The following NUP153 variants were observed in gnomAD, a reference collection of about 807,000 sequenced individuals.
NUP153 encodes the protein nucleoporin 153.
NUP153 carries 27 observed loss-of-function variants against 134.6 expected under a neutral mutation model. That is an observed-to-expected ratio of 0.20 (90% CI 0.15 to 0.28). The LOEUF is 0.28. Ranked by LOEUF, NUP153 falls within the 10% of genes least tolerant of loss-of-function variation. The pLI, the probability that NUP153 is intolerant of heterozygous loss-of-function variation, is 1.00. For missense variants in NUP153, 1,821 were observed against 1,731.3 expected (o/e 1.05, Z -0.92); for synonymous variants, 640 against 623.5 (o/e 1.03, Z -0.40).
At chr6:17,687,105 T>C (rs1209584087) in intron 2 of NUP153, among the ~76,000 whole-genome samples, 1 of 152,170 alleles carries the variant, frequency 6.6e-6, no homozygotes, top group Non-Finnish European at 1.5e-5. Flanking sequence ...GCTATTTTCA[T>C]GAAAATACAA....
intron 1 of NUP153, among the ~76,000 whole-genome samples, chr6:17,702,150 GA>G (rs1770153318): frequency 6.6e-6 from 1 of 152,124 alleles, no homozygotes; most frequent in Admixed American, 6.5e-5. Flanking sequence ...AAAGGAAATG[GA>G]AAAGGAAGAC....
At chr6:17,702,198 T>A (rs1307396923) in intron 1 of NUP153, among the ~76,000 whole-genome samples, 1 of 152,078 alleles carries the variant, frequency 6.6e-6, no homozygotes, top group Non-Finnish European at 1.5e-5. Context: ...ACCTATTCAC[T>A]CTCAACTAGA....
chr6:17,671,270 T>C (rs1001618245), intron 5 of NUP153, among the ~76,000 whole-genome samples: 1 of 152,196 alleles, frequency 6.6e-6, no homozygotes, highest in Non-Finnish European at 1.5e-5. Context: ...TGCTGTCTTC[T>C]AATGTCTTTG....
chr6:17,694,300 G>A (rs1245278154), intron 1 of NUP153, among the ~76,000 whole-genome samples: 2 of 152,146 alleles, frequency 1.3e-5, no homozygotes, highest in Non-Finnish European at 2.9e-5. Context: ...ATATTCACCA[G>A]GATAAAGACC....
At chr6:17,691,353 A>C (rs1361512022) in intron 1 of NUP153, among the ~76,000 whole-genome samples, 1 of 152,240 alleles carries the variant, frequency 6.6e-6, no homozygotes, top group Admixed American at 6.5e-5. Context: ...CTATGGAAAG[A>C]AAGCCTATAT....
Position 17,615,823 on chromosome 6 carries a change from A to G in NUP153, c.*274T>C, listed in dbSNP as rs1157872049. ...CACCGTGCAGGCTCCATTCCTGGGT[A>G]CAGCCAGACTATGTCAAATCAGTGA... is the stretch of plus-strand genomic sequence containing the variant. On this transcript the variant is annotated 3_prime_UTR_variant, in exon 22 of 22. Transcript: ENST00000262077. The surrounding 1 kb of genome is among the most constrained non-coding windows in gnomAD (Gnocchi z 5.7). 1 of 365,638 alleles carries G rather than the reference A, an allele frequency of 2.7e-6. No homozygotes were observed. The highest frequency in any genetic ancestry group is 2.1e-5 in the African/African-American group (1 of 47,984). The allele number at this position is 365,638 out of a possible 1,614,324, so 22.6% of individuals were successfully genotyped here.
intron 5 of NUP153, among the ~76,000 whole-genome samples, chr6:17,671,986 C>A (rs1315640858): frequency 6.6e-6 from 1 of 151,934 alleles, no homozygotes; most frequent in African/African-American, 2.4e-5. Context: ...TCAGCTTGGG[C>A]AACAGAGCAA....
In NUP153 at chr6:17,690,209, A is replaced by G. The variant is rs969149294; in HGVS notation, c.112-1591T>C. 3.3e-5 allele frequency among the ~76,000 whole-genome samples: 5 copies of G among 150,270 alleles called. No individual in the cohort carries two copies. In the East Asian group the frequency reaches 9.7e-4, roughly 29 times the overall value. On this transcript the variant is annotated intron_variant, in intron 1 of 21. Coordinates refer to ENST00000262077, the MANE Select transcript of NUP153 (RefSeq NM_005124.4). ...CTACTAAAAATACAAAAAATTAGCC[A>G]GGCGTGGTGGCGGGCGCATGTAGTC...
chr6:17,663,254 C>T (rs1421776400), intron 9 of NUP153, among the ~76,000 whole-genome samples: 11 of 138,178 alleles, frequency 8.0e-5, no homozygotes, highest in Admixed American at 4.5e-4. Context: ...CACACACACA[C>T]ACACACATAT....
chr6:17,669,335 A>G lies in NUP153; in HGVS notation c.972T>C (p.Asp324=). Residue 324 remains aspartate (D), a splice_region_variant and synonymous_variant, in exon 7 of 22, where the codon GAT becomes GAC. Transcript: ENST00000262077. The stretch of plus-strand genomic sequence containing the variant: ...AAACAATGGATGGAATTCTTTTTGC[A>G]TCCTGTTAAAGTTGAAAAAATAACA... ...SLEKMSSPLA[D]AKRIPSIVSS... 1 of 1,610,038 alleles carries G rather than the reference A, an allele frequency of 6.2e-7. No individual in the cohort carries two copies. The highest frequency in any genetic ancestry group is 8.5e-7 in the Non-Finnish European group (1 of 1,176,524).
intron 20 of NUP153, among the ~76,000 whole-genome samples, chr6:17,617,528 C>T (rs1581650946): frequency 6.7e-6 from 1 of 150,118 alleles, no homozygotes; most frequent in Admixed American, 6.6e-5. Context: ...CAGAATCAAT[C>T]CCTCCCAACA....
At chr6:17,685,562 A>C (rs1200112632) in intron 2 of NUP153, among the ~76,000 whole-genome samples, 3 of 151,636 alleles carry the variant, frequency 2.0e-5, no homozygotes, top group African/African-American at 7.3e-5. Context: ...AAAAAAAAAA[A>C]AAACTGTTAT....
rs777246335 is a variant in NUP153 at position 17,674,991 on chromosome 6, C to T, written c.766G>A (p.Asp256Asn). The change falls in exon 5 of 22, where the codon GAT becomes AAT. Residue 256 changes from aspartate to asparagine, a missense_variant. Physicochemically the swap from Asp to Asn is conservative, Grantham distance 23. Coordinates refer to ENST00000262077, the MANE Select transcript of NUP153 (RefSeq NM_005124.4). ...SSILKTSQLG[D>N]SPFYPGKTTY... ...GTTTTTCCAGGATAAAAAGGAGAATCTCCAAGCTGACTGGTTTTAAGGATT... is the reference window on the plus strand; with the variant it reads ...GTTTTTCCAGGATAAAAAGGAGAATTTCCAAGCTGACTGGTTTTAAGGATT... 9 of 1,613,474 alleles carry T rather than the reference C, an allele frequency of 5.6e-6. No individual in the cohort carries two copies. Among genetic ancestry groups the T allele is most frequent in the Admixed American group, 3.3e-5 (2 of 59,950 alleles).
In NUP153 at chr6:17,677,274, G is replaced by T. The variant is rs999977946; in HGVS notation, c.335-1504C>A. Among the ~76,000 whole-genome samples the T allele has an allele frequency of 6.6e-5, 10 of 152,218 alleles. No individual in the cohort carries two copies. In the South Asian group the frequency reaches 2.1e-3, roughly 32 times the overall value. ...CAGAAGTTCAAAATTATCATTAACT[G>T]AACTGCCTGCTAAAAACAAGAACCA... is the stretch of plus-strand genomic sequence containing the variant. On this transcript the variant is annotated intron_variant, in intron 2 of 21. Transcript: ENST00000262077.
At chr6:17,635,357 C>A (rs1765497029) in intron 16 of NUP153, among the ~76,000 whole-genome samples, 2 of 152,170 alleles carry the variant, frequency 1.3e-5, no homozygotes, top group South Asian at 4.2e-4. Context: ...GATCCACTCG[C>A]CTCGGCCTCC....
At chr6:17,617,177 C>T (rs996444633) in intron 20 of NUP153, among the ~76,000 whole-genome samples, 1 of 152,172 alleles carries the variant, frequency 6.6e-6, no homozygotes, top group African/African-American at 2.4e-5. Flanking sequence ...ACATACTTGA[C>T]ACCTCCAACA....
In NUP153 at chr6:17,706,843, T is replaced by C. The variant is rs963701919; in HGVS notation, c.-456A>G. ...GCGCACAGCGCCCGCCCCGCCGCCG[T>C]CGTCGTCGTCGTCCCTGCAGCCTCC... On this transcript the variant is annotated 5_prime_UTR_variant, in exon 1 of 22. Coordinates refer to ENST00000262077, the MANE Select transcript of NUP153 (RefSeq NM_005124.4). This position sits in a 1 kb window ranked among gnomAD's most constrained non-coding sequence, Gnocchi z 5.9. The C allele has an allele frequency of 1.1e-4, 18 of 166,924 alleles. No individual in the cohort carries two copies. Among genetic ancestry groups the C allele is most frequent in the East Asian group, 3.8e-4 (2 of 5,312 alleles). The allele number at this position is 166,924 out of a possible 1,614,324, so 10.3% of individuals were successfully genotyped here. A position where few individuals can be genotyped will look rare whatever the true frequency, so the allele number is the denominator to read the frequency against.
In NUP153 at chr6:17,662,054, T is replaced by C. The variant is rs1400794128; in HGVS notation, c.1232A>G (p.Asn411Ser). 3.1e-6 allele frequency: 5 copies of C among 1,611,484 alleles called. No individual in the cohort carries two copies. The highest frequency in any genetic ancestry group is 4.2e-6 in the Non-Finnish European group (5 of 1,178,340). The change falls in exon 10 of 22, where the codon AAT (asparagine) becomes AGT (serine). Residue 411 changes from asparagine (N) to serine (S), a missense_variant. Physicochemically the swap from Asn to Ser is conservative, Grantham distance 46 (BLOSUM62 1). Coordinates refer to ENST00000262077, the MANE Select transcript of NUP153 (RefSeq NM_005124.4). Reference protein sequence around the residue: ...DNKCSTGYEKNMTPGQNREQR... With the variant: ...DNKCSTGYEKSMTPGQNREQR... The stretch of plus-strand genomic sequence containing the variant: ...TTCTCTATTTTGTCCGGGTGTCATA[T>C]TTTTTTCATATCCAGTCTGCAGGGG...
In NUP153 at chr6:17,616,283, G is replaced by T. The variant is rs878895251; in HGVS notation, c.4344-102C>A. The T allele has an allele frequency of 2.8e-4, 120 of 430,172 alleles. 2 individuals are homozygous for T. Among genetic ancestry groups the T allele is most frequent in the Middle Eastern group, 1.5e-3 (5 of 3,270 alleles). 26.6% of individuals were successfully genotyped at this position (430,172 alleles called of 1,614,324 possible). On this transcript the variant is annotated intron_variant, in intron 21 of 21. Transcript: ENST00000262077. ...AGCACAAGGGTAAGGGGGGTCGGGT[G>T]GGGGGGGAGTAGACTCACATTGGTA...
Sources: gnomAD v4.1 joint callset for allele counts (sites outside exome capture counted in the v4.1 genomes callset) on GRCh38, gnomAD v4.1.1 for gene constraint, Gnocchi (gnomAD v3.1) non-coding constraint, MANE v1.5 for transcripts, NCBI Gene and HGNC (gene_info 2026-07-23, HGNC 2026-07-21) for gene names.